Variants in CCSER1 observed in about 807,000 individuals in gnomAD.
The protein encoded by CCSER1 is coiled-coil serine rich protein 1, also known as serine-rich coiled-coil domain-containing protein 1.
A neutral mutation model predicts 82.0 loss-of-function variants in CCSER1; 41 were observed. That is an observed-to-expected ratio of 0.50 (90% CI 0.39 to 0.65). The LOEUF is 0.65. Ranked by LOEUF, CCSER1 falls within the 30% of genes least tolerant of loss-of-function variation. The pLI is 0.00. For missense variants in CCSER1, 1,119 were observed against 1,064.2 expected (o/e 1.05, Z -0.72); for synonymous variants, 414 against 383.9 (o/e 1.08, Z -0.92).
chr4:91,508,805 T>C (rs1759669370), intron 10 of CCSER1, among the ~76,000 whole-genome samples: 1 of 151,932 alleles, frequency 6.6e-6, no homozygotes, highest in Admixed American at 6.6e-5. Flanking sequence ...TTCTTGTTCT[T>C]CATTCGGTTT....
chr4:91,228,310 A>AGACACC (rs529341331), intron 10 of CCSER1, among the ~76,000 whole-genome samples: 170 of 152,252 alleles, frequency 1.1e-3, no homozygotes, highest in South Asian at 1.9e-3. Flanking sequence ...TTTTAGAAGC[A>AGACACC]GACACCTGTT....
At chr4:91,069,570 A>G (rs186692172) in intron 9 of CCSER1, among the ~76,000 whole-genome samples, 5 of 152,342 alleles carry the variant, frequency 3.3e-5, no homozygotes, top group African/African-American at 9.6e-5. Context: ...ACATACTGTC[A>G]TGGACTTTAC....
chr4:91,176,519 T>G (rs1233542304), intron 10 of CCSER1, among the ~76,000 whole-genome samples: 2 of 151,434 alleles, frequency 1.3e-5, no homozygotes, highest in African/African-American at 4.8e-5. Context: ...GTTTGTAATT[T>G]GAAGAGGTCC....
At chr4:90,887,237 TC>T (rs1215139995) in intron 8 of CCSER1, among the ~76,000 whole-genome samples, 1 of 152,016 alleles carries the variant, frequency 6.6e-6, no homozygotes, top group African/African-American at 2.4e-5. Context: ...GAATAAAGAT[TC>T]CATAAATAAC....
intron 8 of CCSER1, among the ~76,000 whole-genome samples, chr4:90,817,550 A>G (rs1680296285): frequency 6.6e-6 from 1 of 152,110 alleles, no homozygotes; most frequent in Admixed American, 6.5e-5. Flanking sequence ...CTTAGTTTCT[A>G]AAATTTCTCA....
intron 9 of CCSER1, among the ~76,000 whole-genome samples, chr4:90,973,106 T>C (rs897475467): frequency 6.6e-6 from 1 of 151,666 alleles, no homozygotes; most frequent in Non-Finnish European, 1.5e-5. Flanking sequence ...GGCTGGGCAA[T>C]GATTTTGGGA....
chr4:90,162,846 G>T (rs1729715195), intron 1 of CCSER1, among the ~76,000 whole-genome samples: 1 of 152,076 alleles, frequency 6.6e-6, no homozygotes, highest in Admixed American at 6.6e-5. Flanking sequence ...TATAAACATG[G>T]TGGATTAGAG....
chr4:90,861,235 A>G (rs1362634745), intron 8 of CCSER1, among the ~76,000 whole-genome samples: 1 of 151,748 alleles, frequency 6.6e-6, no homozygotes, highest in Non-Finnish European at 1.5e-5. Context: ...AGAATTGTCT[A>G]CTAATGATAT....
chr4:91,305,904 C>A (rs994430810), intron 10 of CCSER1, among the ~76,000 whole-genome samples: 83 of 151,718 alleles, frequency 5.5e-4, no homozygotes, highest in Middle Eastern at 6.8e-3. Context: ...TTGTGAGACC[C>A]CCCCTCACTA....
chr4:91,045,036 G>C (rs1742323801), intron 9 of CCSER1, among the ~76,000 whole-genome samples: 1 of 152,112 alleles, frequency 6.6e-6, no homozygotes, highest in South Asian at 2.1e-4. Context: ...GACATGCCTA[G>C]GTTGTAGGCA....
chr4:90,989,414 A>G (rs1317141391), intron 9 of CCSER1, among the ~76,000 whole-genome samples: 3 of 151,812 alleles, frequency 2.0e-5, no homozygotes, highest in Non-Finnish European at 4.4e-5. Flanking sequence ...TTGAAGGAAA[A>G]TGAAAAAGAT....
chr4:90,701,670 G>C (rs1738161208), intron 6 of CCSER1, among the ~76,000 whole-genome samples: 1 of 151,826 alleles, frequency 6.6e-6, no homozygotes, highest in Non-Finnish European at 1.5e-5. Flanking sequence ...TTGAGAAGTG[G>C]TTTGTAGTTT....
chr4:90,421,645 A>AT (rs1013793185), intron 4 of CCSER1, among the ~76,000 whole-genome samples: 11 of 152,262 alleles, frequency 7.2e-5, no homozygotes, highest in South Asian at 2.1e-4. Flanking sequence ...AAAAATAATG[A>AT]TTTTTTTATC....
At chr4:90,327,831 A>G (rs1738503033) in intron 3 of CCSER1, among the ~76,000 whole-genome samples, 2 of 152,152 alleles carry the variant, frequency 1.3e-5, no homozygotes, top group Admixed American at 6.6e-5. Context: ...AATTGCCCCC[A>G]GTTGAGAACT....
At chr4:90,689,260 A>G (rs917253452) in intron 6 of CCSER1, among the ~76,000 whole-genome samples, 2 of 152,064 alleles carry the variant, frequency 1.3e-5, no homozygotes, top group African/African-American at 4.8e-5. Context: ...CTCTCTGGGG[A>G]TAACTAAGCA....
chr4:90,363,104 TA>T (rs1200301636), intron 3 of CCSER1, among the ~76,000 whole-genome samples: 1 of 152,100 alleles, frequency 6.6e-6, no homozygotes, highest in Non-Finnish European at 1.5e-5. Context: ...AAAGCTTACC[TA>T]AGATTATACA....
intron 1 of CCSER1, among the ~76,000 whole-genome samples, chr4:90,173,386 C>G (rs1203123067): frequency 6.6e-6 from 1 of 151,344 alleles, no homozygotes; most frequent in Non-Finnish European, 1.5e-5. Context: ...AAGCATTGTT[C>G]TAAATGGTTA....
chr4:91,332,561 A>G (rs1172547176), intron 10 of CCSER1, among the ~76,000 whole-genome samples: 1 of 151,296 alleles, frequency 6.6e-6, no homozygotes, highest in Non-Finnish European at 1.5e-5. Flanking sequence ...AATAAATTCC[A>G]TAACTTTCAG....
At chr4:91,362,668 G>T (rs905386302) in intron 10 of CCSER1, among the ~76,000 whole-genome samples, 2 of 151,836 alleles carry the variant, frequency 1.3e-5, no homozygotes, top group African/African-American at 4.8e-5. Context: ...GGCATCTAGA[G>T]TGGAAACTTT....
Sources: allele counts gnomAD v4.1 joint callset (sites outside exome capture counted in the v4.1 genomes callset), GRCh38; gene constraint gnomAD v4.1.1; transcripts MANE v1.5; gene names NCBI Gene and HGNC (gene_info 2026-07-23, HGNC 2026-07-21).